PPIP5K2: variants seen among roughly 807,000 people sequenced by gnomAD.
PPIP5K2 encodes the protein inositol hexakisphosphate and diphosphoinositol-pentakisphosphate kinase 2.
PPIP5K2 carries 105 observed loss-of-function variants against 154.6 expected under a neutral mutation model. The ratio of observed to expected loss-of-function variants is 0.68; its 90% CI spans 0.58 to 0.80. The LOEUF (loss-of-function observed/expected upper bound fraction) is 0.80, where lower values mean the gene tolerates loss of function less well. Among genes scored for constraint, PPIP5K2 ranks in the 30% least tolerant of loss-of-function variants. The pLI, the probability that PPIP5K2 is intolerant of heterozygous loss-of-function variation, is 0.00. For missense variants in PPIP5K2, 992 were observed against 1,504.6 expected (o/e 0.66, Z 5.64); for synonymous variants, 480 against 490.3 (o/e 0.98, Z 0.28).
At chr5:103,121,541 C>T (rs959600596) in intron 1 of PPIP5K2, among the ~76,000 whole-genome samples, 8 of 152,202 alleles carry the variant, frequency 5.3e-5, no homozygotes, top group African/African-American at 1.9e-4. Context: ...TCAATTTCTT[C>T]ACTAACATTT....
At chr5:103,194,747 A>T (rs1178583032) in intron 29 of PPIP5K2, 153 bp from the exon 30 acceptor site, 38 of 718,932 alleles carry the variant, frequency 5.3e-5, no homozygotes, top group Non-Finnish European at 7.6e-5. Flanking sequence ...TCTTTTTATT[A>T]AAAAAAGGTG....
chr5:103,184,394 T>TTA (rs1800029356), intron 25 of PPIP5K2: 2 of 249,430 alleles, frequency 8.0e-6, no homozygotes, highest in South Asian at 1.6e-4. Context: ...AAGAGTGAAA[T>TTA]TATATCAATC....
intron 17 of PPIP5K2, among the ~76,000 whole-genome samples, chr5:103,165,297 C>G (rs918656129): frequency 5.3e-5 from 8 of 151,978 alleles, no homozygotes; most frequent in Non-Finnish European, 1.2e-4. Flanking sequence ...AAGTGCCAGT[C>G]CCCCTCACAG....
chr5:103,158,944 A>AT (rs1554214675), intron 16 of PPIP5K2, among the ~76,000 whole-genome samples: 1 of 152,018 alleles, frequency 6.6e-6, no homozygotes, highest in Non-Finnish European at 1.5e-5. Context: ...AAAAACCAAA[A>AT]TTTTTTTAAC....
chr5:103,186,507 C>A, intron 27 of PPIP5K2, 68 bp downstream of exon 27: 1 of 1,592,504 alleles, frequency 6.3e-7, no homozygotes, highest in South Asian at 1.1e-5. Context: ...CAGTATTTCT[C>A]AAAGGCAAAT....
Position 103,210,287 on chromosome 5 carries a change from A to G in PPIP5K2, c.*8653A>G, listed in dbSNP as rs1272743299. On this transcript the variant is annotated 3_prime_UTR_variant, in exon 31 of 31. Coordinates refer to ENST00000358359, the MANE Select transcript of PPIP5K2 (RefSeq NM_001276277.3). ...CTAGTTTGGAATCATGTGGCTGAAA[A>G]TCTTACCATATGCTTTCCACAGGCT... 1 of 152,184 alleles carries G rather than the reference A, an allele frequency of 6.6e-6. No individual in the cohort carries two copies. Among genetic ancestry groups the G allele is most frequent in the Non-Finnish European group, 1.5e-5 (1 of 68,020 alleles). The allele number at this position is 152,184 out of a possible 1,614,324, so 9.4% of individuals were successfully genotyped here.
chr5:103,151,339 C>G lies in PPIP5K2; in HGVS notation c.993C>G (p.Ser331=). 1 of 1,610,482 alleles carries G rather than the reference C, an allele frequency of 6.2e-7. No homozygotes were observed. Among genetic ancestry groups the G allele is most frequent in the Non-Finnish European group, 8.5e-7 (1 of 1,177,378 alleles). ...ATGGCTTCAGTTTTGTGAAAAATTCCATGAAGTATTATGATGACTGTGCAA... is the reference window on the plus strand; with the variant it reads ...ATGGCTTCAGTTTTGTGAAAAATTCGATGAAGTATTATGATGACTGTGCAA... ...DVNGFSFVKN[S]MKYYDDCAKI... is the part of the protein sequence containing the mutation. Residue 331 remains serine (S), a synonymous_variant, in exon 9 of 31, where the codon TCC becomes TCG. Coordinates refer to ENST00000358359, the MANE Select transcript of PPIP5K2 (RefSeq NM_001276277.3).
chr5:103,204,678 T>A lies in PPIP5K2; in HGVS notation c.*3044T>A, dbSNP rs1386025228. The stretch of plus-strand genomic sequence containing the variant: ...ATTGGAGTCCACATAGAAACAGGTT[T>A]CCCTCTGTACATAATCGTAGGTACC... On this transcript the variant is annotated 3_prime_UTR_variant, in exon 31 of 31. Transcript: ENST00000358359. The A allele has an allele frequency of 6.6e-6, 1 of 152,138 alleles. No individual in the cohort carries two copies. Among genetic ancestry groups the A allele is most frequent in the Non-Finnish European group, 1.5e-5 (1 of 68,028 alleles). 9.4% of individuals were successfully genotyped at this position (152,138 alleles called of 1,614,324 possible).
Position 103,173,174 on chromosome 5 carries a change from C to G in PPIP5K2, c.2306C>G (p.Ala769Gly). 4 of 1,606,800 alleles carry G rather than the reference C, an allele frequency of 2.5e-6. No individual in the cohort carries two copies. Among genetic ancestry groups the G allele is most frequent in the Non-Finnish European group, 3.4e-6 (4 of 1,176,766 alleles). ...VIPQEYGITK[A>G]EKLEIAKGYC... is the part of the protein sequence containing the mutation. Reference sequence around the variant, plus strand: ...GCTCAGGAATATGGTATAACTAAAGCTGAAAAACTGGAGATTGCCAAAGGC... The same window carrying G: ...GCTCAGGAATATGGTATAACTAAAGGTGAAAAACTGGAGATTGCCAAAGGC... The change falls in exon 20 of 31, where the codon GCT becomes GGT. Residue 769 changes from alanine to glycine, a missense_variant. Transcript: ENST00000358359.
At chr5:103,141,304 C>CGAAG (rs1562391420) in intron 5 of PPIP5K2, among the ~76,000 whole-genome samples, 11 of 151,932 alleles carry the variant, frequency 7.2e-5, no homozygotes, top group Admixed American at 3.9e-4. Flanking sequence ...GGAGTTTCTT[C>CGAAG]CTTCTGGTGG....
intron 9 of PPIP5K2, 90 bp from the exon 10 acceptor site, chr5:103,152,558 T>C: frequency 2.7e-6 from 2 of 734,694 alleles, no homozygotes; most frequent in Non-Finnish European, 4.6e-6. Flanking sequence ...CTAGATAGTT[T>C]AACTCTTATG....
intron 1 of PPIP5K2, among the ~76,000 whole-genome samples, chr5:103,127,798 G>A (rs1789947879): frequency 1.3e-5 from 2 of 152,020 alleles, no homozygotes; most frequent in South Asian, 4.1e-4. Flanking sequence ...TTCCATTATC[G>A]AAATATTTGA....
chr5:103,173,071 C>A, intron 19 of PPIP5K2, 84 bp from the exon 20 acceptor site: 1 of 1,120,332 alleles, frequency 8.9e-7, no homozygotes, highest in South Asian at 2.0e-5. Context: ...ATATTTGTCT[C>A]TCACTAGACT....
At position 103,210,955 on chromosome 5, in the gene PPIP5K2, C is replaced by T. The variant is rs1803775088; in HGVS notation, c.*9321C>T. ...TCTGCTGCAAGAAAAGAATTACATACAACTAGTATACATATTTAGAGGTGC... is the reference window on the plus strand; with the variant it reads ...TCTGCTGCAAGAAAAGAATTACATATAACTAGTATACATATTTAGAGGTGC... On this transcript the variant is annotated 3_prime_UTR_variant, in exon 31 of 31. Transcript: ENST00000358359. The T allele has an allele frequency of 6.6e-6, 1 of 152,038 alleles. No homozygotes were observed. Among genetic ancestry groups the T allele is most frequent in the African/African-American group, 2.4e-5 (1 of 41,392 alleles). The allele number at this position is 152,038 out of a possible 1,614,324, so 9.4% of individuals were successfully genotyped here.
intron 14 of PPIP5K2, among the ~76,000 whole-genome samples, chr5:103,157,399 TA>T (rs1795574825): frequency 6.6e-6 from 1 of 152,184 alleles, no homozygotes; most frequent in Non-Finnish European, 1.5e-5. Context: ...TTAGATTGCA[TA>T]AAATTTAAAT....
intron 30 of PPIP5K2, among the ~76,000 whole-genome samples, chr5:103,197,899 A>C (rs1407765143): frequency 6.6e-6 from 1 of 151,774 alleles, no homozygotes; most frequent in Non-Finnish European, 1.5e-5. Context: ...TTTTTAAAAA[A>C]TTATTTTAAA....
chr5:103,183,301 TG>T lies in PPIP5K2; in HGVS notation c.2993del (p.Gly998ValfsTer44). On this transcript the variant is annotated frameshift_variant, in exon 25 of 31. Coordinates refer to ENST00000358359, the MANE Select transcript of PPIP5K2 (RefSeq NM_001276277.3). LOFTEE classifies it high-confidence loss of function. ...TGTWLHYTSG[V>X]GTGRRRRRSG... ...ACCTGGCTGCATTATACCAGTGGTG[TG>T]GGTACTGGGCGTCGAAGACGCAGAT... is the stretch of plus-strand genomic sequence containing the variant. The T allele has an allele frequency of 6.3e-7, 1 of 1,594,804 alleles. No individual in the cohort carries two copies. Among genetic ancestry groups the T allele is most frequent in the Non-Finnish European group, 8.5e-7 (1 of 1,172,388 alleles).
rs1803685964 is a variant in PPIP5K2, at chr5:103,209,454, C to T, written c.*7820C>T. On this transcript the variant is annotated 3_prime_UTR_variant, in exon 31 of 31. Transcript: ENST00000358359. ...CAAGGATACCATCCCACCCACCTAT[C>T]TTACATTTTGTGTGGTATGAGTGGC... 1 of 152,002 alleles carries T rather than the reference C, an allele frequency of 6.6e-6. No individual in the cohort carries two copies. Among genetic ancestry groups the T allele is most frequent in the Non-Finnish European group, 1.5e-5 (1 of 67,994 alleles). The allele number at this position is 152,002 out of a possible 1,614,324, so 9.4% of individuals were successfully genotyped here.
chr5:103,165,277 T>C (rs782347271), intron 17 of PPIP5K2, among the ~76,000 whole-genome samples: 6 of 152,070 alleles, frequency 3.9e-5, no homozygotes, highest in Non-Finnish European at 8.8e-5. Context: ...TTAGACAATG[T>C]TGGGGTTGGA....
Sources: allele counts gnomAD v4.1 joint callset (sites outside exome capture counted in the v4.1 genomes callset), GRCh38; gene constraint gnomAD v4.1.1; transcripts MANE v1.5; gene names NCBI Gene and HGNC (gene_info 2026-07-23, HGNC 2026-07-21).